KIF4A: variants seen among roughly 807,000 people sequenced by gnomAD.
KIF4A encodes chromosome-associated kinesin KIF4A.
KIF4A carries 7 observed loss-of-function variants against 105.9 expected under a neutral mutation model. The observed-to-expected ratio is 0.07, with a 90% CI of 0.04 to 0.12. The LOEUF is 0.12. KIF4A is among the 10% of genes least tolerant of loss of function. KIF4A has a pLI of 1.00. For synonymous variants in KIF4A, 281 were observed against 331.3 expected, an observed-to-expected ratio of 0.85 and a Z score of 1.65; for missense variants, 558 against 929.2, an observed-to-expected ratio of 0.60 and a Z score of 5.19.
chrX:70,306,377 T>A (rs2085826989), intron 7 of KIF4A, among the ~76,000 whole-genome samples: 1 of 111,874 alleles, frequency 8.9e-6, no homozygotes, highest in Admixed American at 9.5e-5. Flanking sequence ...ACTTGTCAAT[T>A]TCTGCAAAAA....
At chrX:70,394,415 G>A (rs2086251718) in intron 20 of KIF4A, among the ~76,000 whole-genome samples, 1 of 110,748 alleles carries the variant, frequency 9.0e-6, no homozygotes, top group Non-Finnish European at 1.9e-5. Context: ...TGTTGCTCAG[G>A]CTGGTCTTGA....
intron 24 of KIF4A, 49 bp from the exon 25 acceptor site, chrX:70,404,666 T>C: frequency 1.0e-6 from 1 of 956,991 alleles, no homozygotes; most frequent in Non-Finnish European, 1.5e-6. Flanking sequence ...AAATTTCTTT[T>C]TCCCCTTGGT....
intron 18 of KIF4A, 30 bp downstream of exon 18, chrX:70,376,240 G>A (rs2086174580): frequency 1.1e-6 from 1 of 876,259 alleles, no homozygotes; most frequent in East Asian, 3.1e-5. Flanking sequence ...TGAAGGCCTA[G>A]GTAATAAACC....
intron 13 of KIF4A, among the ~76,000 whole-genome samples, chrX:70,350,484 G>T (rs2086025323): frequency 9.1e-6 from 1 of 109,304 alleles, no homozygotes; most frequent in African/African-American, 3.4e-5. Flanking sequence ...GACGGGAGAG[G>T]GAGAGGGAGA....
Position 70,418,022 on chromosome X carries a change from T to G in KIF4A, c.3372+18T>G, listed in dbSNP as rs2086351421. The stretch of plus-strand genomic sequence containing the variant: ...AAGGCAAGGTAGGATCAGGGCTGTT[T>G]CCTCTCCCCTTCCCTTCAGACCTTC... On this transcript the variant is annotated intron_variant, in intron 29 of 30. Coordinates refer to ENST00000374403, the MANE Select transcript of KIF4A (RefSeq NM_012310.5). 3.5e-6 allele frequency: 4 copies of G among 1,154,126 alleles called. No homozygotes were observed. In the East Asian group the frequency reaches 1.2e-4, roughly 35 times the overall value.
At chrX:70,354,561 C>A (rs191305712) in intron 15 of KIF4A, among the ~76,000 whole-genome samples, 1 of 112,925 alleles carries the variant, frequency 8.9e-6, no homozygotes, top group East Asian at 2.8e-4. Flanking sequence ...TATTACTTTA[C>A]ACTGTACAGT....
rs766478856 is a variant in KIF4A at position 70,417,945 on chromosome X, G to A, written c.3313G>A (p.Asp1105Asn). Residue 1105 changes from aspartate (D) to asparagine (N), a missense_variant, in exon 29 of 31, where the codon GAC becomes AAC. By Grantham distance (23) the Asp-to-Asn change is conservative. This residue lies in a region of KIF4A where 469 missense variants were observed against 680.4 expected (regional missense o/e 0.69). Transcript: ENST00000374403. ...KQCGCRKQKSDCGVDCCCDPT... is the reference protein window; with the variant it reads ...KQCGCRKQKSNCGVDCCCDPT... ...GTGTGGGTGCAGGAAGCAAAAGTCAGACTGTGGTGTGGACTGTTGCTGTGA... is the reference window on the plus strand; with the variant it reads ...GTGTGGGTGCAGGAAGCAAAAGTCAAACTGTGGTGTGGACTGTTGCTGTGA... 1 of 1,211,685 alleles carries A rather than the reference G, an allele frequency of 8.3e-7. No individual in the cohort carries two copies. The highest frequency in any genetic ancestry group is 2.2e-5 in the Admixed American group (1 of 46,044).
At chrX:70,342,407 A>T (rs2085975842) in intron 11 of KIF4A, among the ~76,000 whole-genome samples, 1 of 112,092 alleles carries the variant, frequency 8.9e-6, no homozygotes, top group Non-Finnish European at 1.9e-5. Context: ...TTTCCATGTG[A>T]TTGATTTCCA....
intron 10 of KIF4A, 124 bp from the exon 11 acceptor site, chrX:70,341,675 G>T: frequency 1.5e-6 from 1 of 656,385 alleles, no homozygotes; most frequent in Non-Finnish European, 2.2e-6. Context: ...CCAGACTTTT[G>T]TGGTATAATT....
chrX:70,308,561 A>G (rs2085836183), intron 7 of KIF4A, among the ~76,000 whole-genome samples: 1 of 112,161 alleles, frequency 8.9e-6, no homozygotes, highest in Non-Finnish European at 1.9e-5. Context: ...TGCTACACAT[A>G]TTGTTTTTCA....
chrX:70,311,700 C>T lies in KIF4A; in HGVS notation c.778+9302C>T, dbSNP rs142769743. Among the ~76,000 whole-genome samples the T allele has an allele frequency of 3.5e-3, 388 of 111,195 alleles. 2 individuals carry two copies. The highest frequency in any genetic ancestry group is 0.012 in the African/African-American group (366 of 30,625). On this transcript the variant is annotated intron_variant, in intron 7 of 30. Transcript: ENST00000374403. Reference sequence around the variant, plus strand: ...CCTAGGTCAGGTTCAGTGACTCATGCCTGTAATTTCAGCACTTTGGGAGGT... The same window carrying T: ...CCTAGGTCAGGTTCAGTGACTCATGTCTGTAATTTCAGCACTTTGGGAGGT...
Position 70,402,669 on chromosome X carries a change from T to A in KIF4A, c.2593T>A (p.Cys865Ser). Reference sequence around the variant, plus strand: ...TATTGCCACCATTCTGGAAGCCAAGTGTGCCCTGAAATATTTGATTGGAGA... The same window carrying A: ...TATTGCCACCATTCTGGAAGCCAAGAGTGCCCTGAAATATTTGATTGGAGA... ...ENIATILEAK[C>S]ALKYLIGELV... Residue 865 changes from cysteine (C) to serine (S), a missense_variant, in exon 23 of 31, where the codon TGT becomes AGT. By Grantham distance (112) the Cys-to-Ser change is moderately radical (BLOSUM62 -1). Coordinates refer to ENST00000374403, the MANE Select transcript of KIF4A (RefSeq NM_012310.5). 8.3e-7 allele frequency: 1 copy of A among 1,210,635 alleles called. No individual in the cohort carries two copies. Among genetic ancestry groups the A allele is most frequent in the Non-Finnish European group, 1.1e-6 (1 of 894,895 alleles).
chrX:70,349,631 C>T (rs964199116), intron 13 of KIF4A, among the ~76,000 whole-genome samples: 27 of 92,550 alleles, frequency 2.9e-4, no homozygotes, highest in Non-Finnish European at 4.4e-4. Context: ...CGGGCAGAGG[C>T]GCTCCTCACT....
At chrX:70,407,769 C>CA (rs1390839315) in intron 28 of KIF4A, among the ~76,000 whole-genome samples, 4 of 112,304 alleles carry the variant, frequency 3.6e-5, no homozygotes, top group Non-Finnish European at 5.6e-5. Context: ...TTAATCACCA[C>CA]AAAAAATCCA....
chrX:70,417,814 A>G (rs2086350425), intron 28 of KIF4A, 74 bp from the exon 29 acceptor site: 1 of 829,862 alleles, frequency 1.2e-6, no homozygotes, highest in Admixed American at 2.9e-5. Flanking sequence ...AAAGCTTGCA[A>G]ATGAAGGGAA....
intron 7 of KIF4A, among the ~76,000 whole-genome samples, chrX:70,323,810 ATATTTATTTATTTATT>A (rs34799069): frequency 6.3e-5 from 6 of 94,610 alleles, no homozygotes; most frequent in Admixed American, 2.4e-4. Flanking sequence ...CTGGCATTTA[ATATTTATTTATTTATT>A]TATTTATTTA....
chrX:70,398,131 G>A (rs2086267504), intron 22 of KIF4A, among the ~76,000 whole-genome samples: 1 of 111,883 alleles, frequency 8.9e-6, no homozygotes, highest in African/African-American at 3.2e-5. Flanking sequence ...TCTGCCTCCT[G>A]GGTTCAAGTG....
chrX:70,407,104 T>G, intron 28 of KIF4A, 29 bp downstream of exon 28: 1 of 1,159,684 alleles, frequency 8.6e-7, no homozygotes, highest in Non-Finnish European at 1.2e-6. Context: ...ACTTTTTTTT[T>G]GTTTTGTTGT....
In KIF4A at chrX:70,340,935, A is replaced by G. The variant is rs1426302235; in HGVS notation, c.1134-864A>G. Among the ~76,000 whole-genome samples the G allele has an allele frequency of 3.6e-5, 4 of 111,111 alleles. No individual in the cohort carries two copies. In the East Asian group the frequency reaches 1.1e-3, roughly 31 times the overall value. On this transcript the variant is annotated intron_variant, in intron 10 of 30. Transcript: ENST00000374403. ...AGTCCTGTTTTCCAGTCTTTTGAAC[A>G]TTTCATCCCAGTGGATTAAAACAAA...
Sources: allele counts gnomAD v4.1 joint callset (sites outside exome capture counted in the v4.1 genomes callset), GRCh38; gene constraint gnomAD v4.1.1; regional missense constraint gnomAD v4.1.1; transcripts MANE v1.5; gene names NCBI Gene and HGNC (gene_info 2026-07-23, HGNC 2026-07-21).